Variants in LDLRAD4 observed in about 807,000 individuals in gnomAD.
LDLRAD4 encodes the protein low density lipoprotein receptor class A domain containing 4.
Under a neutral mutation model 17.0 loss-of-function variants are expected in LDLRAD4, and 5 were observed. The observed-to-expected ratio is 0.29, with a 90% CI of 0.15 to 0.62. LDLRAD4 has a LOEUF of 0.62. Ranked by LOEUF, LDLRAD4 falls within the 20% of genes least tolerant of loss-of-function variation. LDLRAD4 has a pLI of 0.84. For synonymous variants in LDLRAD4, 168 were observed against 171.8 expected (o/e 0.98, Z 0.17); for missense variants, 340 against 424.7 (o/e 0.80, Z 1.75).
chr18:13,498,824 C>CT (rs2093542776), intron 3 of LDLRAD4, among the ~76,000 whole-genome samples: 2 of 143,138 alleles, frequency 1.4e-5, no homozygotes, highest in African/African-American at 5.3e-5. Context: ...CTGGAGAATC[C>CT]TCCCCACACA....
intron 3 of LDLRAD4, among the ~76,000 whole-genome samples, chr18:13,540,489 A>G (rs1304729929): frequency 6.6e-6 from 1 of 152,002 alleles, no homozygotes; most frequent in Non-Finnish European, 1.5e-5. Context: ...CTTCAGGTAC[A>G]TCCATAATAG....
chr18:13,502,558 C>T (rs371462543), intron 3 of LDLRAD4, among the ~76,000 whole-genome samples: 1 of 152,108 alleles, frequency 6.6e-6, no homozygotes, highest in East Asian at 1.9e-4. Flanking sequence ...AATTATTTGT[C>T]GACTCTTTAT....
intron 5 of LDLRAD4, among the ~76,000 whole-genome samples, chr18:13,643,856 A>C (rs1216776222): frequency 1.3e-5 from 2 of 152,188 alleles, no homozygotes; most frequent in East Asian, 3.9e-4. Flanking sequence ...TGTATATTAA[A>C]TGCATGTATA....
chr18:13,313,708 C>G (rs534871250), intron 1 of LDLRAD4, among the ~76,000 whole-genome samples: 1 of 152,156 alleles, frequency 6.6e-6, no homozygotes, highest in Non-Finnish European at 1.5e-5. Context: ...TTTCTTAGAT[C>G]TTTTTCTCTG....
chr18:13,424,870 C>T (rs763777230), intron 2 of LDLRAD4, among the ~76,000 whole-genome samples: 38 of 152,094 alleles, frequency 2.5e-4, no homozygotes, highest in Non-Finnish European at 3.7e-4. Flanking sequence ...GGAAGATGCT[C>T]GGGACCACAT....
At chr18:13,603,418 G>A (rs1785159) in intron 3 of LDLRAD4, among the ~76,000 whole-genome samples, 63,542 of 152,008 alleles carry the variant, frequency 0.42, 13,369 homozygotes, top group Non-Finnish European at 0.45. Flanking sequence ...ATTTAGAGTT[G>A]GACTGATGCA....
intron 3 of LDLRAD4, 97 bp downstream of exon 4, chr18:13,438,481 G>A: frequency 1.1e-6 from 1 of 951,788 alleles, no homozygotes; most frequent in Non-Finnish European, 1.6e-6. Flanking sequence ...GTTGTTTTCT[G>A]GTTAAGGAAA....
intron 5 of LDLRAD4, among the ~76,000 whole-genome samples, chr18:13,644,268 C>G (rs148536604): frequency 6.6e-6 from 1 of 152,026 alleles, no homozygotes. Context: ...GTTATAACTT[C>G]TGCTTACTCA....
rs149210555 is a variant in LDLRAD4, at chr18:13,268,274, C to G, written c.-466-9831C>G. Among the ~76,000 whole-genome samples the G allele has an allele frequency of 1.2e-3, 187 of 152,354 alleles. 2 individuals are homozygous for G. In the East Asian group the frequency reaches 0.028, roughly 22 times the overall value. On this transcript the variant is annotated intron_variant, in intron 1 of 5. Coordinates refer to the LDLRAD4 transcript ENST00000399848. ...AGTTCCTCCTTTACCCTCCTCCCCC[C>G]TCGGCTTGACTCTTCTCCCTGCTTC... is the stretch of plus-strand genomic sequence containing the variant.
chr18:13,246,284 A>G (rs1784245647), intron 1 of LDLRAD4, among the ~76,000 whole-genome samples: 2 of 152,202 alleles, frequency 1.3e-5, no homozygotes, highest in Non-Finnish European at 2.9e-5. Context: ...CTGAGACTGC[A>G]CTGTGCCCTT....
chr18:13,458,404 T>C (rs1412946898), intron 3 of LDLRAD4, among the ~76,000 whole-genome samples: 1 of 152,192 alleles, frequency 6.6e-6, no homozygotes, highest in Non-Finnish European at 1.5e-5. Flanking sequence ...ACAAGCACCA[T>C]CCTGGGTGTC....
At chr18:13,532,666 G>A (rs555483259) in intron 3 of LDLRAD4, among the ~76,000 whole-genome samples, 1 of 152,340 alleles carries the variant, frequency 6.6e-6, no homozygotes, top group African/African-American at 2.4e-5. Context: ...ATCTTGTCTG[G>A]TTTTATAAAC....
At chr18:13,431,630 T>C (rs1366337173) in intron 2 of LDLRAD4, among the ~76,000 whole-genome samples, 1 of 152,204 alleles carries the variant, frequency 6.6e-6, no homozygotes, top group African/African-American at 2.4e-5. Flanking sequence ...CCCATTAAAA[T>C]CATCTTTTCA....
At chr18:13,574,716 C>T (rs2094743496) in intron 3 of LDLRAD4, among the ~76,000 whole-genome samples, 1 of 152,212 alleles carries the variant, frequency 6.6e-6, no homozygotes, top group Admixed American at 6.5e-5. Context: ...TGGTGCCCCA[C>T]TGTGGAGGGT....
intron 3 of LDLRAD4, among the ~76,000 whole-genome samples, chr18:13,451,243 C>A (rs994888773): frequency 1.3e-5 from 2 of 152,174 alleles, no homozygotes; most frequent in Admixed American, 6.5e-5. Flanking sequence ...CTCCAAATCT[C>A]ATGTTGAGAT....
intron 3 of LDLRAD4, among the ~76,000 whole-genome samples, chr18:13,444,228 C>A (rs2091235703): frequency 6.6e-6 from 1 of 152,134 alleles, no homozygotes; most frequent in South Asian, 2.1e-4. Flanking sequence ...ATACACTTAA[C>A]ATTTTTAGGA....
intron 1 of LDLRAD4, among the ~76,000 whole-genome samples, chr18:13,316,623 A>G (rs2080948577): frequency 6.6e-6 from 1 of 152,234 alleles, no homozygotes; most frequent in African/African-American, 2.4e-5. Context: ...ATGTGCAGGC[A>G]GAATTAAAAC....
chr18:13,517,462 A>G (rs1309982428), intron 3 of LDLRAD4, among the ~76,000 whole-genome samples: 1 of 152,184 alleles, frequency 6.6e-6, no homozygotes, highest in African/African-American at 2.4e-5. Flanking sequence ...CTGGTTGCCC[A>G]TGGGTTATGA....
intron 3 of LDLRAD4, among the ~76,000 whole-genome samples, chr18:13,619,520 G>GC (rs2040406998): frequency 1.3e-5 from 2 of 148,250 alleles, no homozygotes; most frequent in African/African-American, 5.0e-5. Context: ...GGGGCCGGGG[G>GC]GGGGCGGGGG....
Sources: gnomAD v4.1 joint callset for allele counts (sites outside exome capture counted in the v4.1 genomes callset) on GRCh38, gnomAD v4.1.1 for gene constraint, MANE v1.5 for transcripts, NCBI Gene and HGNC (gene_info 2026-07-23, HGNC 2026-07-21) for gene names.